LSM12: variants seen among roughly 807,000 people sequenced by gnomAD.
LSM12 encodes protein LSM12.
For synonymous variants in LSM12, 74 were observed against 87.3 expected, an observed-to-expected ratio of 0.85 and a Z score of 0.85; for missense variants, 108 against 238.9, an observed-to-expected ratio of 0.45 and a Z score of 3.61.
At chr17:44,048,354 C>T (rs1463713857) in intron 2 of LSM12, among the ~76,000 whole-genome samples, 2 of 151,700 alleles carry the variant, frequency 1.3e-5, no homozygotes, top group Non-Finnish European at 2.9e-5. Context: ...CAGTAACATG[C>T]ACCTGTAGTC....
chr17:44,055,288 G>A (rs913116263), intron 2 of LSM12, among the ~76,000 whole-genome samples: 1 of 151,972 alleles, frequency 6.6e-6, no homozygotes, highest in Admixed American at 6.6e-5. Flanking sequence ...TCCTAGTAAA[G>A]TATACATAGC....
At chr17:44,043,843 G>A (rs914675853) in intron 2 of LSM12, among the ~76,000 whole-genome samples, 3 of 151,544 alleles carry the variant, frequency 2.0e-5, no homozygotes, top group African/African-American at 7.3e-5. Flanking sequence ...TTTAAGGAAA[G>A]AAGGAAAAAC....
At chr17:44,061,959 C>T (rs2049800618) in intron 2 of LSM12, among the ~76,000 whole-genome samples, 2 of 152,144 alleles carry the variant, frequency 1.3e-5, no homozygotes, top group Admixed American at 6.5e-5. Context: ...CGGTGGCTCA[C>T]GCCTGTAATC....
intron 2 of LSM12, among the ~76,000 whole-genome samples, chr17:44,060,486 A>T (rs1238523897): frequency 6.6e-6 from 1 of 152,220 alleles, no homozygotes; most frequent in Non-Finnish European, 1.5e-5. Context: ...TTCAAGGGAA[A>T]GCCAATATAG....
intron 2 of LSM12, among the ~76,000 whole-genome samples, chr17:44,055,791 T>A (rs187057053): frequency 6.7e-6 from 1 of 149,158 alleles, no homozygotes; most frequent in Non-Finnish European, 1.5e-5. Context: ...GCCCTGCTAA[T>A]AGGCTATGTC....
At chr17:44,062,066 A>G (rs932558030) in intron 2 of LSM12, among the ~76,000 whole-genome samples, 1 of 152,046 alleles carries the variant, frequency 6.6e-6, no homozygotes, top group Non-Finnish European at 1.5e-5. Flanking sequence ...CTAAAAATAC[A>G]AAAAAGTTAG....
upstream of LSM12, chr17:44,067,316 CAAAA>C (rs1421570696): frequency 4.6e-5 from 7 of 151,920 alleles, no homozygotes; most frequent in Admixed American, 4.6e-4. Flanking sequence ...AACAAACAAA[CAAAA>C]AAAGATGATT....
At chr17:44,063,991 CCCAA>C in intron 1 of LSM12, 57 bp from the exon 2 acceptor site, 1 of 1,581,752 alleles carries the variant, frequency 6.3e-7, no homozygotes, top group African/African-American at 1.4e-5. Context: ...ACTGACACAT[CCCAA>C]AAGGGGCATA....
chr17:44,041,061 G>C (rs371624703), intron 2 of LSM12, among the ~76,000 whole-genome samples: 1 of 140,080 alleles, frequency 7.1e-6, no homozygotes, highest in Admixed American at 7.2e-5. Context: ...CACTGAGGTA[G>C]GGAGTTCGAG....
chr17:44,065,823 G>A (rs765800572), intron 1 of LSM12, among the ~76,000 whole-genome samples: 2 of 151,856 alleles, frequency 1.3e-5, no homozygotes, highest in African/African-American at 2.4e-5. Context: ...CCCCTAAACA[G>A]CAACTTCCAA....
At chr17:44,043,694 C>A (rs1306169609) in intron 2 of LSM12, among the ~76,000 whole-genome samples, 1 of 151,610 alleles carries the variant, frequency 6.6e-6, no homozygotes, top group Non-Finnish European at 1.5e-5. Flanking sequence ...AGTCGGCCAG[C>A]GCTGTGGCTC....
At chr17:44,062,468 G>A (rs2049810667) in intron 2 of LSM12, among the ~76,000 whole-genome samples, 2 of 152,172 alleles carry the variant, frequency 1.3e-5, no homozygotes, top group Non-Finnish European at 2.9e-5. Context: ...GCTGATGGGT[G>A]GTAAGGCTCC....
At chr17:44,036,377 C>T in intron 4 of LSM12, 77 bp from the exon 5 acceptor site, 1 of 1,581,018 alleles carries the variant, frequency 6.3e-7, no homozygotes. Context: ...ACCCAGGTTT[C>T]CACAGCCCCA....
At chr17:44,050,659 T>C (rs2049631350) in intron 2 of LSM12, among the ~76,000 whole-genome samples, 1 of 152,096 alleles carries the variant, frequency 6.6e-6, no homozygotes, top group African/African-American at 2.4e-5. Context: ...TAGCTGGTAT[T>C]ACAGGCACGT....
rs576807015 is a variant in LSM12, at chr17:44,060,200, G to A, written c.258+3601C>T. The stretch of plus-strand genomic sequence containing the variant: ...TAAATAAAATAAAATAAATAGAGTA[G>A]GCTAGTGCTTCTCCAGACTGCAAGC... On this transcript the variant is annotated intron_variant, in intron 2 of 4. Transcript: ENST00000293406. Among the ~76,000 whole-genome samples the A allele has an allele frequency of 1.1e-4, 16 of 152,102 alleles. No homozygotes were observed. In the South Asian group the frequency reaches 3.3e-3, roughly 32 times the overall value.
rs532950250 is a variant in LSM12 at position 44,063,811 on chromosome 17, T to C, written c.248A>G (p.Asn83Ser). ...CCCTTGAGTCCTTACCTTACTAACA[T>C]TGAGTGAAGCTAGGGGAGGAGGGGT... ...TETPPPLASL[N>S]VSKLASKART... is the part of the protein sequence containing the mutation. Residue 83 changes from asparagine (N) to serine (S), a missense_variant, in exon 2 of 5, where the codon AAT becomes AGT. Asn to Ser is a conservative substitution (Grantham distance 46). Transcript: ENST00000293406. The C allele has an allele frequency of 2.0e-5, 33 of 1,613,634 alleles. No homozygotes were observed. The highest frequency in any genetic ancestry group is 2.6e-5 in the Non-Finnish European group (31 of 1,179,906).
At chr17:44,054,141 G>A (rs1220982020) in intron 2 of LSM12, among the ~76,000 whole-genome samples, 1 of 152,090 alleles carries the variant, frequency 6.6e-6, no homozygotes, top group African/African-American at 2.4e-5. Context: ...GTCCCCTTGG[G>A]AACTAAACTC....
Position 44,038,367 on chromosome 17 carries a change from A to G in LSM12, c.369-829T>C, listed in dbSNP as rs1048876922. ...TGAGACCCTGTCTCAAAAAAAAAAA[A>G]AAAAAAGAAAGGCCAGGCACAGTGG... On this transcript the variant is annotated intron_variant, in intron 3 of 4. Coordinates refer to ENST00000293406, the MANE Select transcript of LSM12 (RefSeq NM_001371445.1). Among the ~76,000 whole-genome samples the G allele has an allele frequency of 7.2e-5, 11 of 151,738 alleles. No homozygotes were observed. The South Asian group carries it at 8.3e-4, about 12-fold the overall frequency.
At chr17:44,046,792 G>A (rs377487700) in intron 2 of LSM12, among the ~76,000 whole-genome samples, 7 of 128,214 alleles carry the variant, frequency 5.5e-5, no homozygotes, top group African/African-American at 8.8e-5. Flanking sequence ...GTGCAATGGC[G>A]CGATCTTGGC....
Sources: gnomAD v4.1 joint callset for allele counts (sites outside exome capture counted in the v4.1 genomes callset) on GRCh38, gnomAD v4.1.1 for gene constraint, MANE v1.5 for transcripts, NCBI Gene and HGNC (gene_info 2026-07-23, HGNC 2026-07-21) for gene names.